Variants in PCLO observed in about 807,000 individuals in gnomAD.
PCLO encodes the protein protein piccolo.
Under a neutral mutation model 427.5 loss-of-function variants are expected in PCLO, and 82 were observed. That is an observed-to-expected ratio of 0.19 (90% CI 0.16 to 0.23). The LOEUF is 0.23. PCLO is among the 10% of genes least tolerant of loss of function. The probability of loss-of-function intolerance (pLI) is 1.00; values close to 1 mark genes in which losing one functional copy is unlikely to be tolerated. For synonymous variants in PCLO, 2,357 were observed against 2,155.4 expected (o/e 1.09, Z -2.59); for missense variants, 6,239 against 6,115.9 (o/e 1.02, Z -0.67).
intron 20 of PCLO, among the ~76,000 whole-genome samples, chr7:82,817,307 G>T (rs1325342260): frequency 6.6e-6 from 1 of 152,076 alleles, no homozygotes; most frequent in Non-Finnish European, 1.5e-5. Context: ...TATTAATCTT[G>T]TACATACAAT....
At chr7:83,160,894 C>T (rs1792419130) in intron 1 of PCLO, among the ~76,000 whole-genome samples, 1 of 152,078 alleles carries the variant, frequency 6.6e-6, no homozygotes, top group Non-Finnish European at 1.5e-5. Context: ...TTGTTATTAT[C>T]CTGTGAAAGT....
chr7:82,887,964 G>A (rs546652879), intron 9 of PCLO, among the ~76,000 whole-genome samples: 1 of 152,066 alleles, frequency 6.6e-6, no homozygotes, highest in South Asian at 2.1e-4. Flanking sequence ...CACTTATTCG[G>A]GAGGCTGAGG....
intron 3 of PCLO, among the ~76,000 whole-genome samples, chr7:83,124,302 C>T (rs1326764956): frequency 2.0e-5 from 3 of 146,862 alleles, no homozygotes; most frequent in Admixed American, 7.0e-5. Context: ...TGCAGTGAGC[C>T]GAGATAGCAC....
chr7:82,962,588 GT>G (rs1462236918), intron 4 of PCLO, among the ~76,000 whole-genome samples: 2 of 151,856 alleles, frequency 1.3e-5, no homozygotes, highest in Non-Finnish European at 2.9e-5. Flanking sequence ...TAATAAAATA[GT>G]TTAAGAATTA....
intron 3 of PCLO, among the ~76,000 whole-genome samples, chr7:83,104,250 A>G (rs1790800967): frequency 6.6e-6 from 1 of 152,074 alleles, no homozygotes; most frequent in Non-Finnish European, 1.5e-5. Flanking sequence ...ATTTGGTCAC[A>G]CAAGTAAATT....
rs552816876 is a variant in PCLO at position 82,825,713 on chromosome 7, A to G, written c.14415+876T>C. On this transcript the variant is annotated intron_variant, in intron 18 of 24. Coordinates refer to ENST00000333891, the MANE Select transcript of PCLO (RefSeq NM_033026.6). ...ATTATATATACACTGTAGACATACA[A>G]TTGTATACACTGTATAGTATATATT... 2.3e-4 allele frequency among the ~76,000 whole-genome samples: 34 copies of G among 148,068 alleles called. 1 individual carries two copies. Among genetic ancestry groups the G allele is most frequent in the African/African-American group, 7.6e-4 (31 of 40,816 alleles).
chr7:82,842,109 C>T (rs1356963823), intron 13 of PCLO, among the ~76,000 whole-genome samples: 2 of 151,950 alleles, frequency 1.3e-5, no homozygotes, highest in African/African-American at 4.8e-5. Flanking sequence ...AAGAACAAAG[C>T]CAGAGGAATT....
At chr7:83,086,021 T>C (rs1481076245) in intron 3 of PCLO, among the ~76,000 whole-genome samples, 1 of 152,188 alleles carries the variant, frequency 6.6e-6, no homozygotes, top group African/African-American at 2.4e-5. Flanking sequence ...TAAAACAACA[T>C]GGTTTCAACT....
chr7:83,117,143 T>C (rs897221643), intron 3 of PCLO, among the ~76,000 whole-genome samples: 3 of 152,198 alleles, frequency 2.0e-5, no homozygotes, highest in African/African-American at 4.8e-5. Context: ...TTTAGTACTG[T>C]AGCAATCACT....
rs913567739 is a variant in PCLO, at chr7:82,916,330, T to C, written c.11656A>G (p.Thr3886Ala). Reference protein sequence around the residue: ...SQLVPPTSPYTQYQYSSPALP... With the variant: ...SQLVPPTSPYAQYQYSSPALP... ...GCAGGGGAAGAGTACTGGTATTGTGTGTAAGGACTTGTCGGAGGAACTAGT... is the reference window on the plus strand; with the variant it reads ...GCAGGGGAAGAGTACTGGTATTGTGCGTAAGGACTTGTCGGAGGAACTAGT... The change falls in exon 7 of 25, where the codon ACA (threonine) becomes GCA (alanine). Residue 3886 changes from threonine (T) to alanine (A), a missense_variant. By Grantham distance (58) the Thr-to-Ala change is moderately conservative. This residue lies in a region of PCLO where 680 missense variants were observed against 677.3 expected (regional missense o/e 1.00). Transcript: ENST00000333891. The C allele has an allele frequency of 1.2e-6, 2 of 1,613,526 alleles. No individual in the cohort carries two copies. Among genetic ancestry groups the C allele is most frequent in the Admixed American group, 1.7e-5 (1 of 59,952 alleles).
At chr7:83,040,138 T>G (rs965371734) in intron 3 of PCLO, among the ~76,000 whole-genome samples, 1 of 152,126 alleles carries the variant, frequency 6.6e-6, no homozygotes, top group Non-Finnish European at 1.5e-5. Context: ...TTGTGCATAA[T>G]TTTTTGTTAG....
intron 3 of PCLO, among the ~76,000 whole-genome samples, chr7:83,033,337 T>C (rs1161235661): frequency 6.6e-6 from 1 of 152,220 alleles, no homozygotes. Context: ...ATGATAGTTA[T>C]ATTACCTAGT....
chr7:82,888,621 A>G lies in PCLO; in HGVS notation c.13529-9159T>C, dbSNP rs970038962. Among the ~76,000 whole-genome samples the G allele has an allele frequency of 1.4e-4, 21 of 152,242 alleles. 3 individuals carry two copies. The Middle Eastern group carries it at 0.02, about 148-fold the overall frequency. ...CAAAACAAATCTTTTTAAAAAAAAG[A>G]CTTAATAAACGAAGCTATATTTTCA... is the stretch of plus-strand genomic sequence containing the variant. On this transcript the variant is annotated intron_variant, in intron 9 of 24. Coordinates refer to ENST00000333891, the MANE Select transcript of PCLO (RefSeq NM_033026.6).
At chr7:83,035,258 T>C (rs938133946) in intron 3 of PCLO, among the ~76,000 whole-genome samples, 1 of 152,172 alleles carries the variant, frequency 6.6e-6, no homozygotes, top group South Asian at 2.1e-4. Context: ...TATACCAAAA[T>C]TGGAGACAGG....
intron 3 of PCLO, among the ~76,000 whole-genome samples, chr7:83,072,783 G>C (rs1469580666): frequency 6.6e-6 from 1 of 151,988 alleles, no homozygotes; most frequent in East Asian, 1.9e-4. Context: ...ATGCCTCACA[G>C]TCAAACTTAT....
chr7:82,958,892 T>C (rs1795593194), intron 4 of PCLO, among the ~76,000 whole-genome samples: 1 of 152,156 alleles, frequency 6.6e-6, no homozygotes, highest in Admixed American at 6.5e-5. Flanking sequence ...TCAGTATAAT[T>C]TCTATGTCCT....
chr7:82,975,261 TTTG>T (rs1275386217), intron 3 of PCLO, among the ~76,000 whole-genome samples: 1 of 152,186 alleles, frequency 6.6e-6, no homozygotes, highest in Non-Finnish European at 1.5e-5. Context: ...AAATTTTATG[TTTG>T]TTAAGATTAC....
At chr7:82,832,243 C>T (rs1333582302) in intron 16 of PCLO, among the ~76,000 whole-genome samples, 3 of 151,808 alleles carry the variant, frequency 2.0e-5, no homozygotes, top group Non-Finnish European at 4.4e-5. Flanking sequence ...GAAGTTTTGC[C>T]TTGTTTGTTG....
intron 3 of PCLO, among the ~76,000 whole-genome samples, chr7:83,039,125 C>T (rs1484538857): frequency 6.6e-6 from 1 of 151,986 alleles, no homozygotes; most frequent in Admixed American, 6.6e-5. Flanking sequence ...AATCCCTTAT[C>T]AGGTCTATGA....
Sources: allele counts gnomAD v4.1 joint callset (sites outside exome capture counted in the v4.1 genomes callset), GRCh38; gene constraint gnomAD v4.1.1; regional missense constraint gnomAD v4.1.1; transcripts MANE v1.5; gene names NCBI Gene and HGNC (gene_info 2026-07-23, HGNC 2026-07-21).